TNC: variants seen among roughly 807,000 people sequenced by gnomAD.
TNC encodes tenascin C.
A neutral mutation model predicts 202.4 loss-of-function variants in TNC; 109 were observed. The observed-to-expected ratio is 0.54, with a 90% CI of 0.46 to 0.63. The LOEUF is 0.63. TNC is among the 30% of genes least tolerant of loss of function. The pLI is 0.00. For synonymous variants in TNC, 1,007 were observed against 1,089.7 expected (o/e 0.92, Z 1.50); for missense variants, 2,756 against 2,833.3 (o/e 0.97, Z 0.62).
rs185915678 is a variant in TNC at position 115,078,237 on chromosome 9, G to T, written c.2405-25C>A. On this transcript the variant is annotated intron_variant, in intron 6 of 27. Transcript: ENST00000350763. ...CCTATGATGGGCAGAGGACAGAGAGGCTTCAGAGGTTAGGGCCATTGCCTG... is the reference window on the plus strand; with the variant it reads ...CCTATGATGGGCAGAGGACAGAGAGTCTTCAGAGGTTAGGGCCATTGCCTG... 1,531 of 1,585,226 alleles carry T rather than the reference G, an allele frequency of 9.7e-4. 3 individuals carry two copies. Among genetic ancestry groups the T allele is most frequent in the Middle Eastern group, 4.1e-3 (24 of 5,882 alleles).
At chr9:115,032,388 T>C (rs983617168) in intron 22 of TNC, among the ~76,000 whole-genome samples, 16 of 152,142 alleles carry the variant, frequency 1.1e-4, no homozygotes, top group Admixed American at 3.3e-4. Flanking sequence ...TCACAAGAAA[T>C]GGGGAGCCTT....
intron 1 of TNC, among the ~76,000 whole-genome samples, chr9:115,092,168 T>C (rs1270407791): frequency 2.0e-5 from 3 of 152,028 alleles, no homozygotes; most frequent in Admixed American, 6.6e-5. Flanking sequence ...GCCTATGGGG[T>C]TTGAAAATAA....
At chr9:115,087,295 T>C in intron 2 of TNC, 22 bp from the exon 3 acceptor site, 3 of 1,606,440 alleles carry the variant, frequency 1.9e-6, no homozygotes, top group Non-Finnish European at 2.6e-6. Flanking sequence ...GAAACAGAAG[T>C]TCTCAGCCAG....
chr9:115,041,164 C>T lies in TNC; in HGVS notation c.5249-80G>A, dbSNP rs1830708237. 5 of 1,460,980 alleles carry T rather than the reference C, an allele frequency of 3.4e-6. No individual in the cohort carries two copies. In the East Asian group the frequency reaches 1.2e-4, roughly 34 times the overall value. The allele number at this position is 1,460,980 out of a possible 1,614,324, so 90.5% of individuals were successfully genotyped here. A position where few individuals can be genotyped will look rare whatever the true frequency, so the allele number is the denominator to read the frequency against. ...ACTGTTGCCCCCAAAAAGAGTGTAT[C>T]TGATTTAGAAATGAAACTATATCTT... On this transcript the variant is annotated intron_variant, in intron 18 of 27. Transcript: ENST00000350763.
chr9:115,072,642 C>G (rs1422182650), intron 10 of TNC, among the ~76,000 whole-genome samples: 1 of 152,172 alleles, frequency 6.6e-6, no homozygotes, highest in Admixed American at 6.5e-5. Context: ...TTCTGAGTAT[C>G]TAGTCTTCCG....
intron 18 of TNC, among the ~76,000 whole-genome samples, 164 bp downstream of exon 18, chr9:115,042,055 T>C (rs575518039): frequency 6.6e-6 from 1 of 152,356 alleles, no homozygotes; most frequent in South Asian, 2.1e-4. Context: ...AAGAACCTCA[T>C]AGCACTTTAC....
At chr9:115,069,774 C>T (rs182351011) in intron 10 of TNC, among the ~76,000 whole-genome samples, 408 of 8,328 alleles carry the variant, frequency 0.049, 101 homozygotes, top group South Asian at 0.07. Flanking sequence ...CTCCCTCCCT[C>T]CCTTCCTTCC....
intron 1 of TNC, chr9:115,112,691 G>A (rs1837171733): frequency 6.6e-6 from 1 of 152,224 alleles, no homozygotes. Context: ...ATCTCCTTTG[G>A]GGACTGTGCT....
intron 8 of TNC, 97 bp from the exon 9 acceptor site, chr9:115,076,218 A>G (rs1833839651): frequency 1.4e-6 from 2 of 1,440,742 alleles, no homozygotes; most frequent in Non-Finnish European, 1.9e-6. Context: ...GGAGGCTACA[A>G]CAAATTTTCG....
chr9:115,087,621 A>T (rs1015206033), intron 2 of TNC, among the ~76,000 whole-genome samples: 4 of 150,326 alleles, frequency 2.7e-5, no homozygotes, highest in Non-Finnish European at 5.9e-5. Flanking sequence ...AAGAAGTCTT[A>T]CTATTCCTAT....
rs747384691 is a variant in TNC at position 115,060,008 on chromosome 9, G to A, written c.4034-6C>T. ...TCCCAGCTGTGGGAGATCCTCTGAA[G>A]AAGGACAGAAAAGTATTTGTCAGTT... On this transcript the variant is annotated splice_region_variant and splice_polypyrimidine_tract_variant and intron_variant, in intron 13 of 27. Coordinates refer to ENST00000350763, the MANE Select transcript of TNC (RefSeq NM_002160.4). 2 of 1,607,818 alleles carry A rather than the reference G, an allele frequency of 1.2e-6. No individual in the cohort carries two copies. Among genetic ancestry groups the A allele is most frequent in the Non-Finnish European group, 1.7e-6 (2 of 1,176,440 alleles).
intron 15 of TNC, among the ~76,000 whole-genome samples, chr9:115,052,166 A>G (rs1352304359): frequency 6.6e-6 from 1 of 151,776 alleles, no homozygotes; most frequent in Non-Finnish European, 1.5e-5. Context: ...AACAACACGG[A>G]TGAACCCAGA....
At chr9:115,103,179 G>T (rs1836362629) in intron 1 of TNC, among the ~76,000 whole-genome samples, 1 of 152,162 alleles carries the variant, frequency 6.6e-6, no homozygotes, top group Non-Finnish European at 1.5e-5. Flanking sequence ...ATCAACCCAA[G>T]GGCTTTTAAG....
At chr9:115,051,312 G>T (rs10123436) in intron 15 of TNC, among the ~76,000 whole-genome samples, 93,984 of 151,658 alleles carry the variant, frequency 0.62, 29,476 homozygotes, top group African/African-American at 0.7. Context: ...TTCCAACCCC[G>T]ATCACATCTA....
At chr9:115,048,116 TG>T in intron 16 of TNC, 143 bp downstream of exon 16, 1 of 1,001,578 alleles carries the variant, frequency 1.0e-6, no homozygotes, top group Non-Finnish European at 1.5e-6. Flanking sequence ...AGAGGGAGTG[TG>T]GGGAGAAGGT....
At chr9:115,067,625 A>G (rs1425859906) in intron 10 of TNC, among the ~76,000 whole-genome samples, 2 of 152,144 alleles carry the variant, frequency 1.3e-5, no homozygotes, top group African/African-American at 2.4e-5. Flanking sequence ...ACGTTGGAAA[A>G]TGTCTCTTCC....
intron 10 of TNC, among the ~76,000 whole-genome samples, chr9:115,070,482 G>A (rs1482190816): frequency 6.6e-6 from 1 of 152,246 alleles, no homozygotes; most frequent in East Asian, 1.9e-4. Flanking sequence ...GGCCGTGCCA[G>A]ATTCTGTAGG....
Position 115,036,733 on chromosome 9 carries a change from T to C in TNC, c.5513-492A>G, listed in dbSNP as rs202228213. Among the ~76,000 whole-genome samples the C allele has an allele frequency of 1.1e-4, 16 of 152,320 alleles. No individual in the cohort carries two copies. In the East Asian group the frequency reaches 2.5e-3, roughly 24 times the overall value. ...AGTAGCTGCACCAGAGCCTGGCCAC[T>C]ATCTCTCAGGCCTGCTGGGTCATGT... is the stretch of plus-strand genomic sequence containing the variant. On this transcript the variant is annotated intron_variant, in intron 20 of 27. Transcript: ENST00000350763.
rs1182947663 is a variant in TNC at position 115,063,056 on chromosome 9, C to T, written c.3894G>A (p.Glu1298=). ...IQVQEADQVE[E]AHNLTVPGSL... is the part of the protein sequence containing the mutation. ...TGCCAGGAACCGTGAGATTGTGAGCCTCTTCCACCTGGTCAGCCTCCTGGA... is the reference window on the plus strand; with the variant it reads ...TGCCAGGAACCGTGAGATTGTGAGCTTCTTCCACCTGGTCAGCCTCCTGGA... The change falls in exon 13 of 28, where the codon GAG becomes GAA. Residue 1298 remains glutamate, a synonymous_variant. Transcript: ENST00000350763. 1 of 1,614,138 alleles carries T rather than the reference C, an allele frequency of 6.2e-7. No homozygotes were observed. The highest frequency in any genetic ancestry group is 2.2e-5 in the East Asian group (1 of 44,870).
Sources: allele counts gnomAD v4.1 joint callset (sites outside exome capture counted in the v4.1 genomes callset), GRCh38; gene constraint gnomAD v4.1.1; transcripts MANE v1.5; gene names NCBI Gene and HGNC (gene_info 2026-07-23, HGNC 2026-07-21).